FNIP1: variants seen among roughly 807,000 people sequenced by gnomAD.
FNIP1 encodes folliculin-interacting protein 1.
A neutral mutation model predicts 124.5 loss-of-function variants in FNIP1; 40 were observed. That is an observed-to-expected ratio of 0.32 (90% CI 0.25 to 0.42). The LOEUF is 0.42. Among genes scored for constraint, FNIP1 ranks in the 10% least tolerant of loss-of-function variants. The probability of loss-of-function intolerance (pLI) is 1.00; values close to 1 mark genes in which losing one functional copy is unlikely to be tolerated. For missense variants in FNIP1, 1,176 were observed against 1,403.7 expected (o/e 0.84, Z 2.59); for synonymous variants, 472 against 470.6 (o/e 1.00, Z -0.04).
At chr5:131,740,852 CT>C (rs1770489723) in intron 2 of FNIP1, among the ~76,000 whole-genome samples, 1 of 152,184 alleles carries the variant, frequency 6.6e-6, no homozygotes, top group African/African-American at 2.4e-5. Context: ...AGTAAAGAAG[CT>C]GGCTAAAATG....
intron 2 of FNIP1, among the ~76,000 whole-genome samples, chr5:131,739,528 G>T (rs2149556827): frequency 6.6e-6 from 1 of 152,186 alleles, no homozygotes; most frequent in Non-Finnish European, 1.5e-5. Context: ...ATAACACACT[G>T]TTTGGCCAGG....
At chr5:131,690,397 T>C (rs142361649) in intron 11 of FNIP1, among the ~76,000 whole-genome samples, 2 of 152,228 alleles carry the variant, frequency 1.3e-5, no homozygotes, top group East Asian at 1.9e-4. Flanking sequence ...AATCCCCACA[T>C]GTCAAGGGAT....
At chr5:131,735,807 A>ATGTGTG (rs141584109) in intron 2 of FNIP1, among the ~76,000 whole-genome samples, 2 of 148,322 alleles carry the variant, frequency 1.3e-5, no homozygotes, top group Non-Finnish European at 3.0e-5. Context: ...ACTTAAGGGA[A>ATGTGTG]TGTGTGTGTG....
Position 131,644,627 on chromosome 5 carries a change from G to T in FNIP1, c.*58C>A. The T allele has an allele frequency of 7.0e-7, 1 of 1,434,506 alleles. No homozygotes were observed. Among genetic ancestry groups the T allele is most frequent in the Non-Finnish European group, 9.8e-7 (1 of 1,019,252 alleles). 88.9% of individuals were successfully genotyped at this position (1,434,506 alleles called of 1,614,324 possible). On this transcript the variant is annotated 3_prime_UTR_variant, in exon 18 of 18. Coordinates refer to ENST00000510461, the MANE Select transcript of FNIP1 (RefSeq NM_133372.3). ...AAGAATCTCCATAAATGCATGTTGT[G>T]TCTGCTTCCTTGGTTTCTACCTATT...
intron 1 of FNIP1, among the ~76,000 whole-genome samples, chr5:131,750,756 G>T (rs1355800862): frequency 6.6e-6 from 1 of 151,998 alleles, no homozygotes; most frequent in Admixed American, 6.6e-5. Flanking sequence ...GAGATTACAG[G>T]TATGTGCCAC....
chr5:131,769,565 A>G (rs181228672), intron 1 of FNIP1, among the ~76,000 whole-genome samples: 1 of 152,368 alleles, frequency 6.6e-6, no homozygotes, highest in Non-Finnish European at 1.5e-5. Context: ...TGAAACCACA[A>G]GACTGTCAGA....
intron 10 of FNIP1, among the ~76,000 whole-genome samples, chr5:131,703,749 T>C (rs982843946): frequency 1.3e-5 from 2 of 152,260 alleles, no homozygotes; most frequent in Non-Finnish European, 2.9e-5. Context: ...ATTACATACA[T>C]CTATATTCAT....
At chr5:131,782,369 T>C (rs1363311881) in intron 1 of FNIP1, among the ~76,000 whole-genome samples, 1 of 151,964 alleles carries the variant, frequency 6.6e-6, no homozygotes, top group Non-Finnish European at 1.5e-5. Context: ...GGCAACGCAG[T>C]GAAACCTCGA....
chr5:131,682,927 T>C (rs916928052), intron 11 of FNIP1, among the ~76,000 whole-genome samples: 1 of 152,022 alleles, frequency 6.6e-6, no homozygotes, highest in Non-Finnish European at 1.5e-5. Flanking sequence ...CATGATTTAG[T>C]TTTCTTTGAT....
chr5:131,658,989 T>C (rs1328644619), intron 15 of FNIP1, among the ~76,000 whole-genome samples: 3 of 151,550 alleles, frequency 2.0e-5, no homozygotes, highest in Non-Finnish European at 4.4e-5. Flanking sequence ...CATCTTGTTT[T>C]CTGCACAAGT....
rs1770768375 is a variant in FNIP1, at chr5:131,748,699, A to AG, written c.93-4010_93-4009insC. ...GCGACAGAGTGAGACTCTGTCTCAA[A>AG]AAAAAAAAAGAAAAAAAAAAAAAAA... On this transcript the variant is annotated intron_variant, in intron 1 of 17. Transcript: ENST00000510461. Among the ~76,000 whole-genome samples, 4 of 150,372 alleles carry AG rather than the reference A, an allele frequency of 2.7e-5. No homozygotes were observed. The South Asian group carries it at 8.4e-4, about 32-fold the overall frequency.
At chr5:131,670,707 A>G in intron 14 of FNIP1, 76 bp from the exon 15 acceptor site, 1 of 1,099,658 alleles carries the variant, frequency 9.1e-7, no homozygotes, top group South Asian at 2.0e-5. Flanking sequence ...AAAAAAGTGA[A>G]TTCTACTTGT....
At chr5:131,659,389 G>A (rs986698867) in intron 15 of FNIP1, among the ~76,000 whole-genome samples, 14 of 152,188 alleles carry the variant, frequency 9.2e-5, no homozygotes, top group African/African-American at 2.4e-4. Flanking sequence ...CCTGGCCATC[G>A]GACAGCTCAT....
At chr5:131,785,727 G>A (rs964825925) in intron 1 of FNIP1, among the ~76,000 whole-genome samples, 3 of 152,108 alleles carry the variant, frequency 2.0e-5, no homozygotes, top group African/African-American at 4.8e-5. Flanking sequence ...AATATTAGCC[G>A]GGTGCAGTGG....
intron 1 of FNIP1, among the ~76,000 whole-genome samples, chr5:131,772,247 T>TG (rs1771659733): frequency 6.6e-6 from 1 of 152,068 alleles, no homozygotes; most frequent in Non-Finnish European, 1.5e-5. Flanking sequence ...GGGCTCGATG[T>TG]GGGGGAGAAG....
At chr5:131,738,660 C>T (rs1010973885) in intron 2 of FNIP1, among the ~76,000 whole-genome samples, 20 of 152,084 alleles carry the variant, frequency 1.3e-4, no homozygotes, top group African/African-American at 4.6e-4. Flanking sequence ...CCACCACACC[C>T]GGCTAATTTT....
intron 11 of FNIP1, among the ~76,000 whole-genome samples, chr5:131,698,432 A>C (rs1480025446): frequency 1.3e-5 from 2 of 152,244 alleles, no homozygotes; most frequent in African/African-American, 4.8e-5. Flanking sequence ...CTTCAGGTAC[A>C]AGCTTTGTTG....
chr5:131,743,790 C>G (rs531851414), intron 2 of FNIP1, among the ~76,000 whole-genome samples: 9 of 152,226 alleles, frequency 5.9e-5, no homozygotes, highest in African/African-American at 2.2e-4. Context: ...ACAGCCCTCA[C>G]AAAAAACTCA....
chr5:131,724,853 A>C (rs1180833218), intron 3 of FNIP1, among the ~76,000 whole-genome samples: 1 of 152,172 alleles, frequency 6.6e-6, no homozygotes, highest in Non-Finnish European at 1.5e-5. Context: ...TTAAGTCTTT[A>C]ATCCATCTTG....
Sources: gnomAD v4.1 joint callset for allele counts (sites outside exome capture counted in the v4.1 genomes callset) on GRCh38, gnomAD v4.1.1 for gene constraint, MANE v1.5 for transcripts, NCBI Gene and HGNC (gene_info 2026-07-23, HGNC 2026-07-21) for gene names.